Variants in ACTA2 observed in about 807,000 individuals in gnomAD.
ACTA2 encodes the protein actin alpha 2, smooth muscle, also known as actin, aortic smooth muscle.
ACTA2 carries 12 observed loss-of-function variants against 39.5 expected under a neutral mutation model. The ratio of observed to expected loss-of-function variants is 0.30; its 90% CI spans 0.19 to 0.49. The LOEUF is 0.49. Ranked by LOEUF, ACTA2 falls within the 20% of genes least tolerant of loss-of-function variation. The probability of loss-of-function intolerance (pLI) is 0.99; values close to 1 mark genes in which losing one functional copy is unlikely to be tolerated. For missense variants in ACTA2, 236 were observed against 498.8 expected, an observed-to-expected ratio of 0.47 and a Z score of 5.02; for synonymous variants, 158 against 180.6, an observed-to-expected ratio of 0.88 and a Z score of 1.00.
rs1278824431 is a variant in ACTA2, at chr10:88,990,807, C to T, written c.-24+132G>A. On this transcript the variant is annotated intron_variant, in intron 1 of 4. Transcript: ENST00000415557. The surrounding 1 kb of genome is among the most constrained non-coding windows in gnomAD (Gnocchi z 4.9). ...GCCCAGGCGGAGCTGCCTCTTCTCC[C>T]GCGGGTTGGTGGACCCGCTCAGTAC... is the stretch of plus-strand genomic sequence containing the variant. 1 of 1,605,564 alleles carries T rather than the reference C, an allele frequency of 6.2e-7. No individual in the cohort carries two copies. Among genetic ancestry groups the T allele is most frequent in the Non-Finnish European group, 8.5e-7 (1 of 1,172,428 alleles).
At chr10:88,972,050 A>G (rs1846459087) in intron 1 of ACTA2, among the ~76,000 whole-genome samples, 2 of 152,028 alleles carry the variant, frequency 1.3e-5, no homozygotes, top group Non-Finnish European at 2.9e-5. Flanking sequence ...CTGGGACTAC[A>G]GGCTCACACC....
intron 1 of ACTA2, among the ~76,000 whole-genome samples, chr10:88,982,703 CAAGTAAG>C (rs1846741375): frequency 1.3e-5 from 2 of 151,954 alleles, no homozygotes; most frequent in Non-Finnish European, 2.9e-5. Flanking sequence ...TTTATGTAGT[CAAGTAAG>C]ACTTGTTTCT....
chr10:88,948,427 T>A (rs1845991937), intron 2 of ACTA2: 1 of 277,980 alleles, frequency 3.6e-6, no homozygotes, highest in South Asian at 3.9e-5. Context: ...ACATCAGCCC[T>A]GTATGGTTAA....
At chr10:88,937,929 T>C (rs1845772905) in intron 8 of ACTA2, 132 bp downstream of exon 8, 1 of 955,354 alleles carries the variant, frequency 1.0e-6, no homozygotes, top group South Asian at 1.5e-5. Context: ...AATATGAGAT[T>C]TGTGTCCATT....
chr10:88,955,579 C>A (rs549175207), upstream of ACTA2, among the ~76,000 whole-genome samples: 2 of 152,338 alleles, frequency 1.3e-5, no homozygotes, highest in African/African-American at 4.8e-5. Flanking sequence ...TGCTCTGTTC[C>A]TCATTTGAGC....
At chr10:88,977,054 A>G (rs1470354856) in intron 1 of ACTA2, among the ~76,000 whole-genome samples, 1 of 152,214 alleles carries the variant, frequency 6.6e-6, no homozygotes, top group Non-Finnish European at 1.5e-5. Flanking sequence ...TAATGAATTA[A>G]TGCTTGTGTG....
At chr10:88,941,469 G>T (rs970469775) in intron 5 of ACTA2, 79 bp from the exon 6 acceptor site, 2 of 1,567,184 alleles carry the variant, frequency 1.3e-6, no homozygotes, top group Non-Finnish European at 1.8e-6. Context: ...GGGAAGCCTT[G>T]GGGGAGAGGG....
intron 6 of ACTA2, 91 bp from the exon 7 acceptor site, chr10:88,939,789 C>T: frequency 7.5e-7 from 1 of 1,326,508 alleles, no homozygotes; most frequent in Non-Finnish European, 1.1e-6. Context: ...TCCCTCAAGA[C>T]ATGTGCCATC....
At chr10:88,969,655 TC>T (rs1846388720) in intron 1 of ACTA2, among the ~76,000 whole-genome samples, 2 of 152,226 alleles carry the variant, frequency 1.3e-5, no homozygotes, top group South Asian at 4.1e-4. Flanking sequence ...GAAAGAAACC[TC>T]CTCTGACCAC....
At chr10:88,969,195 G>A (rs1271593374) in intron 1 of ACTA2, among the ~76,000 whole-genome samples, 1 of 152,080 alleles carries the variant, frequency 6.6e-6, no homozygotes, top group African/African-American at 2.4e-5. Flanking sequence ...GGGGAAATTG[G>A]AACACATTGT....
At chr10:88,936,698 A>T (rs1036808549) in intron 8 of ACTA2, among the ~76,000 whole-genome samples, 1 of 152,068 alleles carries the variant, frequency 6.6e-6, no homozygotes, top group Middle Eastern at 3.2e-3. Context: ...TGCTTCCTGT[A>T]CAGCCTGCTG....
chr10:88,984,097 A>G (rs919170213), intron 1 of ACTA2, among the ~76,000 whole-genome samples: 3 of 152,166 alleles, frequency 2.0e-5, no homozygotes, highest in African/African-American at 7.2e-5. Flanking sequence ...TCACAGAGCT[A>G]TTCTAGTTCT....
chr10:88,967,090 G>A (rs987226617), intron 1 of ACTA2, among the ~76,000 whole-genome samples: 1 of 152,200 alleles, frequency 6.6e-6, no homozygotes, highest in African/African-American at 2.4e-5. Context: ...AACAGGAAGA[G>A]ACCCTCGAGA....
intron 1 of ACTA2, among the ~76,000 whole-genome samples, chr10:88,949,861 T>C (rs1564648345): frequency 6.6e-6 from 1 of 152,194 alleles, no homozygotes; most frequent in South Asian, 2.1e-4. Context: ...TTTATAGGTG[T>C]TTTTAATTAT....
intron 1 of ACTA2, chr10:88,973,983 G>A (rs1196570229): frequency 6.6e-6 from 1 of 152,224 alleles, no homozygotes; most frequent in Non-Finnish European, 1.5e-5. Context: ...TGTATTTTTA[G>A]TAGAGATGGG....
At chr10:88,959,426 C>T (rs1846191598) in intron 1 of ACTA2, among the ~76,000 whole-genome samples, 1 of 152,180 alleles carries the variant, frequency 6.6e-6, no homozygotes, top group Non-Finnish European at 1.5e-5. Flanking sequence ...GAATTGACTG[C>T]ATCAGAATCA....
chr10:88,990,950 C>G lies in ACTA2; in HGVS notation c.-35G>C, dbSNP rs1190761605. On this transcript the variant is annotated 5_prime_UTR_variant, in exon 1 of 5. Coordinates refer to the ACTA2 transcript ENST00000415557. The surrounding 1 kb of genome is among the most constrained non-coding windows in gnomAD (Gnocchi z 4.9). ...GGGTGGAGGCTTACCCCGTCTTAGT[C>G]CCGGGGATAGGCAAAGTGGGGCGGG... 4 of 1,613,804 alleles carry G rather than the reference C, an allele frequency of 2.5e-6. No homozygotes were observed. In the East Asian group the frequency reaches 8.9e-5, roughly 36 times the overall value.
chr10:88,982,106 G>A (rs1846725904), intron 1 of ACTA2, among the ~76,000 whole-genome samples: 1 of 152,224 alleles, frequency 6.6e-6, no homozygotes, highest in Non-Finnish European at 1.5e-5. Context: ...AGAAGCAATT[G>A]CTTTGGTTCA....
chr10:88,942,129 A>G (rs1222157471), intron 4 of ACTA2, among the ~76,000 whole-genome samples: 5 of 152,176 alleles, frequency 3.3e-5, no homozygotes, highest in Non-Finnish European at 7.3e-5. Flanking sequence ...AGGGGAAAGG[A>G]AAGTCCAGCT....
Sources: allele counts gnomAD v4.1 joint callset (sites outside exome capture counted in the v4.1 genomes callset), GRCh38; gene constraint gnomAD v4.1.1; non-coding constraint Gnocchi (gnomAD v3.1); transcripts MANE v1.5; gene names NCBI Gene and HGNC (gene_info 2026-07-23, HGNC 2026-07-21).